Variants in PCDH9 observed in about 807,000 individuals in gnomAD.
PCDH9 encodes protocadherin-9.
Under a neutral mutation model 70.6 loss-of-function variants are expected in PCDH9, and 24 were observed. The observed-to-expected ratio is 0.34, with a 90% confidence interval of 0.25 to 0.48. The LOEUF (loss-of-function observed/expected upper bound fraction) is 0.48, where lower values mean the gene tolerates loss of function less well. PCDH9 is among the 20% of genes least tolerant of loss of function. PCDH9 has a pLI of 0.99. For missense variants in PCDH9, 1,281 were observed against 1,503.6 expected, an observed-to-expected ratio of 0.85 and a Z score of 2.45; for synonymous variants, 562 against 558.5, an observed-to-expected ratio of 1.01 and a Z score of -0.09.
At chr13:66,948,668 T>C (rs1566313136) in intron 2 of PCDH9, among the ~76,000 whole-genome samples, 1 of 151,940 alleles carries the variant, frequency 6.6e-6, no homozygotes, top group Non-Finnish European at 1.5e-5. Context: ...GAATTTCATA[T>C]AAAAAAACAA....
chr13:66,898,758 TA>T (rs920908422), intron 3 of PCDH9, among the ~76,000 whole-genome samples: 1 of 152,092 alleles, frequency 6.6e-6, no homozygotes, highest in African/African-American at 2.4e-5. Context: ...ATATCTTTCC[TA>T]TTTTATTATT....
chr13:66,985,434 T>G (rs1346913382), intron 2 of PCDH9: 1 of 152,150 alleles, frequency 6.6e-6, no homozygotes. Context: ...AAGTAACTAT[T>G]CCTAGTATAG....
At chr13:66,749,148 C>T (rs141476828) in intron 3 of PCDH9, among the ~76,000 whole-genome samples, 37 of 152,270 alleles carry the variant, frequency 2.4e-4, no homozygotes, top group Non-Finnish European at 4.4e-4. Flanking sequence ...TACCCAGTTT[C>T]GGCCAGTTCT....
At chr13:66,305,139 G>C (rs1955442526) in intron 4 of PCDH9, 111 bp from the exon 5 acceptor site, 1 of 989,770 alleles carries the variant, frequency 1.0e-6, no homozygotes, top group African/African-American at 1.6e-5. Flanking sequence ...TCATAAAAGT[G>C]TATCAAGTCA....
intron 4 of PCDH9, among the ~76,000 whole-genome samples, chr13:66,365,772 C>G (rs1048080970): frequency 6.6e-6 from 1 of 152,100 alleles, no homozygotes; most frequent in Non-Finnish European, 1.5e-5. Flanking sequence ...CCCCTAGTGT[C>G]TAATACATTG....
chr13:66,893,981 C>T (rs2082135906), intron 3 of PCDH9, among the ~76,000 whole-genome samples: 1 of 152,078 alleles, frequency 6.6e-6, no homozygotes, highest in South Asian at 2.1e-4. Flanking sequence ...TCAATTCCCT[C>T]ATAAAATCCA....
chr13:67,024,988 CGTTT>C (rs2084751339), intron 2 of PCDH9, among the ~76,000 whole-genome samples: 1 of 151,958 alleles, frequency 6.6e-6, no homozygotes, highest in African/African-American at 2.4e-5. Flanking sequence ...CAAGTATATT[CGTTT>C]GTCATTTGAA....
intron 2 of PCDH9, among the ~76,000 whole-genome samples, chr13:67,162,646 T>C (rs1398372439): frequency 5.9e-5 from 9 of 152,218 alleles, no homozygotes; most frequent in African/African-American, 2.2e-4. Context: ...TTCAATGCCC[T>C]CTTCTAAAAC....
intron 2 of PCDH9, among the ~76,000 whole-genome samples, chr13:66,921,501 CT>C (rs1325674505): frequency 6.6e-6 from 1 of 151,146 alleles, no homozygotes; most frequent in Non-Finnish European, 1.5e-5. Context: ...GATAAGCCAT[CT>C]TTATTTTACC....
intron 4 of PCDH9, among the ~76,000 whole-genome samples, chr13:66,542,720 G>T (rs1464530609): frequency 6.9e-6 from 1 of 143,910 alleles, no homozygotes; most frequent in Admixed American, 7.0e-5. Context: ...ACATATATAT[G>T]TTTAAATATA....
chr13:66,993,140 G>C (rs1330730473), intron 2 of PCDH9, among the ~76,000 whole-genome samples: 1 of 152,086 alleles, frequency 6.6e-6, no homozygotes, highest in Non-Finnish European at 1.5e-5. Flanking sequence ...TCATTTCAGT[G>C]ATTCCACAAA....
chr13:66,394,040 C>A (rs531606560), intron 4 of PCDH9, among the ~76,000 whole-genome samples: 1 of 152,234 alleles, frequency 6.6e-6, no homozygotes, highest in East Asian at 1.9e-4. Context: ...AATACTATTT[C>A]ATTTTTTATT....
At chr13:66,526,982 A>T (rs1960242412) in intron 4 of PCDH9, among the ~76,000 whole-genome samples, 1 of 152,178 alleles carries the variant, frequency 6.6e-6, no homozygotes, top group South Asian at 2.1e-4. Context: ...AAATGTTAGC[A>T]GGTAGGCCAC....
At chr13:66,946,402 G>A (rs527875120) in intron 2 of PCDH9, among the ~76,000 whole-genome samples, 1 of 152,212 alleles carries the variant, frequency 6.6e-6, no homozygotes, top group South Asian at 2.1e-4. Context: ...GGGCATGGTG[G>A]CTTATGCTTG....
At chr13:66,417,097 T>C (rs1276867860) in intron 4 of PCDH9, among the ~76,000 whole-genome samples, 1 of 152,158 alleles carries the variant, frequency 6.6e-6, no homozygotes, top group Non-Finnish European at 1.5e-5. Context: ...TACATAGGTG[T>C]ACATGTGCCA....
intron 2 of PCDH9, among the ~76,000 whole-genome samples, chr13:67,074,979 A>AT (rs200864941): frequency 4.0e-5 from 6 of 150,440 alleles, no homozygotes; most frequent in Non-Finnish European, 8.9e-5. Context: ...AAGTTTAGAC[A>AT]TTTTTTTTTA....
intron 2 of PCDH9, among the ~76,000 whole-genome samples, chr13:67,182,794 C>T (rs1033457125): frequency 1.3e-5 from 2 of 151,988 alleles, no homozygotes; most frequent in Admixed American, 1.3e-4. Flanking sequence ...TCTGGGGTAC[C>T]CTCTTCCTTT....
chr13:66,790,392 A>G (rs1412571792), intron 3 of PCDH9, among the ~76,000 whole-genome samples: 1 of 151,884 alleles, frequency 6.6e-6, no homozygotes, highest in East Asian at 1.9e-4. Flanking sequence ...CTTTTTACTC[A>G]TTTTTCAATC....
intron 3 of PCDH9, among the ~76,000 whole-genome samples, chr13:66,814,860 A>T (rs936033698): frequency 6.6e-6 from 1 of 152,216 alleles, no homozygotes; most frequent in East Asian, 1.9e-4. Context: ...CAGAGATTTC[A>T]TGACAGGGAC....
Sources: allele counts gnomAD v4.1 joint callset (sites outside exome capture counted in the v4.1 genomes callset), GRCh38; gene constraint gnomAD v4.1.1; transcripts MANE v1.5; gene names NCBI Gene and HGNC (gene_info 2026-07-23, HGNC 2026-07-21).